NUDT14: variants seen among roughly 807,000 people sequenced by gnomAD.
The protein encoded by NUDT14 is nudix hydrolase 14, also known as uridine diphosphate glucose pyrophosphatase NUDT14.
Under a neutral mutation model 17.5 loss-of-function variants are expected in NUDT14, and 22 were observed. That is an observed-to-expected ratio of 1.26 (90% confidence interval 0.90 to 1.80). NUDT14 has a LOEUF of 1.80. Among genes scored for constraint, NUDT14 ranks in the 40% most tolerant of loss-of-function variants. NUDT14 has a pLI of 0.00. For missense variants in NUDT14, 296 were observed against 295.6 expected (o/e 1.00, Z -0.01); for synonymous variants, 129 against 125.8 (o/e 1.03, Z -0.17).
chr14:105,173,098 T>A lies in NUDT14; in HGVS notation c.592A>T (p.Ile198Phe). The A allele has an allele frequency of 6.3e-7, 1 of 1,586,238 alleles. No individual in the cohort carries two copies. The highest frequency in any genetic ancestry group is 8.6e-7 in the Non-Finnish European group (1 of 1,167,940). The change falls in exon 5 of 5, where the codon ATC (isoleucine) becomes TTC (phenylalanine). Residue 198 changes from isoleucine to phenylalanine, a missense_variant. Physicochemically the swap from Ile to Phe is conservative, Grantham distance 21. Coordinates refer to ENST00000392568, the MANE Select transcript of NUDT14 (RefSeq NM_177533.5). This position sits in a 1 kb window ranked among gnomAD's most constrained non-coding sequence, Gnocchi z 4.7. ...GAQAFADDPD[I>F]PKTLGVIFGV... Reference sequence around the variant, plus strand: ...AAGATGACGCCGAGGGTCTTGGGGATGTCCGGGTCGTCTGCAAAGGCCTGG... The same window carrying A: ...AAGATGACGCCGAGGGTCTTGGGGAAGTCCGGGTCGTCTGCAAAGGCCTGG...
Position 105,172,952 on chromosome 14 carries a change from GCC to G in NUDT14, c.*67_*68del. On this transcript the variant is annotated 3_prime_UTR_variant, in exon 5 of 5. Transcript: ENST00000392568. ...GCAGGCAGAAGCTGGAGCTATGCAA[GCC>G]TTTATTGGGGTCCGCGGGGTGTGGG... 7.1e-7 allele frequency: 1 copy of G among 1,408,084 alleles called. No homozygotes were observed. Among genetic ancestry groups the G allele is most frequent in the South Asian group, 1.7e-5 (1 of 57,844 alleles). 87.2% of individuals were successfully genotyped at this position (1,408,084 alleles called of 1,614,324 possible). A position where few individuals can be genotyped will look rare whatever the true frequency, so the allele number is the denominator to read the frequency against.
chr14:105,174,736 T>C (rs1416605687), intron 4 of NUDT14, among the ~76,000 whole-genome samples: 1 of 151,936 alleles, frequency 6.6e-6, no homozygotes, highest in Non-Finnish European at 1.5e-5. Flanking sequence ...TGGCCCGGGC[T>C]GAGAGGAATC....
intron 1 of NUDT14, among the ~76,000 whole-genome samples, chr14:105,180,331 G>A (rs1253138493): frequency 6.6e-6 from 1 of 152,106 alleles, no homozygotes; most frequent in East Asian, 1.9e-4. Flanking sequence ...CAGGTGTGGT[G>A]GTGTGCACCT....
intron 1 of NUDT14, 56 bp from the exon 2 acceptor site, chr14:105,177,791 G>A: frequency 6.4e-7 from 1 of 1,556,350 alleles, no homozygotes; most frequent in Non-Finnish European, 8.9e-7. Context: ...GGTGCTCGGG[G>A]AACCGAGGAG....
At chr14:105,177,258 G>A in intron 2 of NUDT14, 1 of 646,632 alleles carries the variant, frequency 1.5e-6, no homozygotes, top group Non-Finnish European at 2.8e-6. Context: ...CAGGATGGGA[G>A]GCGGGGGGCA....
In NUDT14 at chr14:105,173,986, C is replaced by T. The variant is rs1426648480; in HGVS notation, c.429-725G>A. ...GCAGGGACAAACCCACCAGGCCTTC[C>T]CGCAAGGGTTCCCCACCAGGCACCC... is the stretch of plus-strand genomic sequence containing the variant. On this transcript the variant is annotated intron_variant, in intron 4 of 4. Transcript: ENST00000392568. This position sits in a 1 kb window ranked among gnomAD's most constrained non-coding sequence, Gnocchi z 4.7. Among the ~76,000 whole-genome samples, 2 of 152,080 alleles carry T rather than the reference C, an allele frequency of 1.3e-5. No individual in the cohort carries two copies. Among genetic ancestry groups the T allele is most frequent in the African/African-American group, 2.4e-5 (1 of 41,416 alleles).
rs1207190515 is a variant in NUDT14, at chr14:105,173,177, G to GC, written c.512dup (p.Leu172ProfsTer6). On this transcript the variant is annotated frameshift_variant, in exon 5 of 5. Transcript: ENST00000392568. LOFTEE classifies it high-confidence loss of function. The surrounding 1 kb of genome is among the most constrained non-coding windows in gnomAD (Gnocchi z 4.7). ...CAATGAGCTCACCCTCCTCCACCAG[G>GC]CCCCCACCTGGACCGCTACGCTGGG... The GC allele has an allele frequency of 6.2e-7, 1 of 1,610,730 alleles. No homozygotes were observed. Among genetic ancestry groups the GC allele is most frequent in the Admixed American group, 1.7e-5 (1 of 59,682 alleles).
Position 105,176,686 on chromosome 14 carries a change from G to A in NUDT14, c.276C>T (p.Ala92=). Residue 92 remains alanine (A), a synonymous_variant, in exon 4 of 5, where the codon GCC becomes GCT. Transcript: ENST00000392568. ...DQDGPRELQP[A]LPGSAGVTVE... is the part of the protein sequence containing the mutation. ...CTGTCACCCCCGCTGAGCCGGGCAG[G>A]GCTGGCTGTAGCTCCCGAGGCCCGT... is the stretch of plus-strand genomic sequence containing the variant. 1.2e-6 allele frequency: 2 copies of A among 1,612,780 alleles called. No individual in the cohort carries two copies. The highest frequency in any genetic ancestry group is 2.2e-5 in the South Asian group (2 of 91,086).
intron 4 of NUDT14, among the ~76,000 whole-genome samples, chr14:105,174,128 A>C (rs1029416087): frequency 2.0e-5 from 3 of 152,062 alleles, no homozygotes; most frequent in Non-Finnish European, 2.9e-5. Context: ...CCAGTGGCCC[A>C]GGCTGGGGAG....
intron 2 of NUDT14, among the ~76,000 whole-genome samples, chr14:105,177,476 C>T (rs768256716): frequency 1.3e-5 from 2 of 152,212 alleles, no homozygotes; most frequent in African/African-American, 2.4e-5. Flanking sequence ...CATCATGGTC[C>T]CGGTGGCCTG....
Position 105,173,200 on chromosome 14 carries a change from G to A in NUDT14, c.490C>T (p.Gln164Ter). 2 of 1,609,822 alleles carry A rather than the reference G, an allele frequency of 1.2e-6. No homozygotes were observed. The highest frequency in any genetic ancestry group is 1.7e-4 in the Middle Eastern group (1 of 6,044). ...TMFYTEVTDA[Q>*]RSGPGGGLVE... ...AGGCCCCCACCTGGACCGCTACGCT[G>A]GGCATCTGTCACCTCTGTGTAGAAC... The change falls in exon 5 of 5, where the codon CAG becomes TAG. Residue 164 changes from glutamine (Q) to a stop codon, truncating the protein, a stop_gained. Coordinates refer to ENST00000392568, the MANE Select transcript of NUDT14 (RefSeq NM_177533.5). LOFTEE classifies it low-confidence loss of function (END_TRUNC). This position sits in a 1 kb window ranked among gnomAD's most constrained non-coding sequence, Gnocchi z 4.7.
rs778706927 is a variant in NUDT14 at position 105,173,036 on chromosome 14, G to T, written c.654C>A (p.Asn218Lys). ...VSWFLSQVAP[N>K]LDLQ Reference sequence around the variant, plus strand: ...CCCTGGAGTCTCACTGGAGATCCAGGTTGGGGGCCACCTGGCTGAGGAACC... The same window carrying T: ...CCCTGGAGTCTCACTGGAGATCCAGTTTGGGGGCCACCTGGCTGAGGAACC... The change falls in exon 5 of 5, where the codon AAC becomes AAA. Residue 218 changes from asparagine (N) to lysine (K), a missense_variant. Transcript: ENST00000392568. This position sits in a 1 kb window ranked among gnomAD's most constrained non-coding sequence, Gnocchi z 4.7. 1 of 1,515,566 alleles carries T rather than the reference G, an allele frequency of 6.6e-7. No individual in the cohort carries two copies. The highest frequency in any genetic ancestry group is 1.3e-5 in the South Asian group (1 of 75,296). The allele number at this position is 1,515,566 out of a possible 1,614,324, so 93.9% of individuals were successfully genotyped here.
At chr14:105,175,929 G>A in intron 4 of NUDT14, 2 of 1,248,646 alleles carry the variant, frequency 1.6e-6, no homozygotes, top group Non-Finnish European at 2.1e-6. Flanking sequence ...GTGGGGGTCT[G>A]TGACACCCTC....
intron 2 of NUDT14, among the ~76,000 whole-genome samples, chr14:105,177,490 A>G (rs1889241569): frequency 6.6e-6 from 1 of 152,176 alleles, no homozygotes; most frequent in South Asian, 2.1e-4. Flanking sequence ...TGGCCTGAGC[A>G]AAGACCTGAC....
chr14:105,177,822 A>T, intron 1 of NUDT14, 87 bp from the exon 2 acceptor site: 1 of 1,257,500 alleles, frequency 8.0e-7, no homozygotes, highest in Non-Finnish European at 1.2e-6. Flanking sequence ...CATTGCACCC[A>T]CTCCTAACCA....
At chr14:105,174,237 G>C (rs986770829) in intron 4 of NUDT14, among the ~76,000 whole-genome samples, 2 of 152,132 alleles carry the variant, frequency 1.3e-5, no homozygotes, top group Admixed American at 6.5e-5. Context: ...CTGGACTGGC[G>C]TGTGTGGAGG....
chr14:105,175,918 G>A, intron 4 of NUDT14: 1 of 1,233,162 alleles, frequency 8.1e-7, no homozygotes, highest in Non-Finnish European at 1.0e-6. Flanking sequence ...AGCTGGTGGG[G>A]GTGGGGGTCT....
chr14:105,176,471 G>C (rs1182126500), intron 4 of NUDT14, 63 bp downstream of exon 4: 1 of 1,309,824 alleles, frequency 7.6e-7, no homozygotes, highest in Non-Finnish European at 1.1e-6. Flanking sequence ...CCCAGGGACG[G>C]GGCCCTCACT....
intron 4 of NUDT14, among the ~76,000 whole-genome samples, chr14:105,176,156 C>T (rs182066461): frequency 8.5e-5 from 13 of 152,324 alleles, no homozygotes; most frequent in Admixed American, 4.6e-4. Context: ...ACCCCTTCTC[C>T]AGCCCAGGAC....
Sources: gnomAD v4.1 joint callset for allele counts (sites outside exome capture counted in the v4.1 genomes callset) on GRCh38, gnomAD v4.1.1 for gene constraint, Gnocchi (gnomAD v3.1) non-coding constraint, MANE v1.5 for transcripts, NCBI Gene and HGNC (gene_info 2026-07-23, HGNC 2026-07-21) for gene names.